CCDC148: variants seen among roughly 807,000 people sequenced by gnomAD.
CCDC148 encodes coiled-coil domain containing 148.
In CCDC148, 89 loss-of-function variants were observed where a neutral mutation model predicts 85.7. The ratio of observed to expected loss-of-function variants is 1.04; its 90% CI spans 0.87 to 1.24. The LOEUF is 1.24. Among genes scored for constraint, CCDC148 ranks in the 50% most tolerant of loss-of-function variants. CCDC148 has a pLI of 0.00. For synonymous variants in CCDC148, 230 were observed against 213.9 expected (o/e 1.08, Z -0.66); for missense variants, 692 against 671.7 (o/e 1.03, Z -0.33).
chr2:158,174,027 T>C (rs1371018398), intron 13 of CCDC148, among the ~76,000 whole-genome samples: 2 of 152,002 alleles, frequency 1.3e-5, no homozygotes, highest in Non-Finnish European at 2.9e-5. Context: ...ACCCTAAACA[T>C]GGTATAAGTA....
chr2:158,339,000 C>T lies in CCDC148; in HGVS notation c.572G>A (p.Trp191Ter). The T allele has an allele frequency of 6.2e-7, 1 of 1,612,924 alleles. No individual in the cohort carries two copies. The highest frequency in any genetic ancestry group is 8.5e-7 in the Non-Finnish European group (1 of 1,179,110). The change falls in exon 6 of 14, where the codon TGG becomes TAG. Residue 191 changes from tryptophan (W) to a stop codon, truncating the protein, a stop_gained. Transcript: ENST00000283233. LOFTEE classifies it high-confidence loss of function. ...QQRIENDLSD[W>*]SIKILDHSLE... is the part of the protein sequence containing the mutation. ...CCACATCACACTTACCTTTATACTC[C>T]AGTCTGAAAGATCATTTTCTATTCT...
At chr2:158,172,467 G>A (rs551123432) in intron 13 of CCDC148, among the ~76,000 whole-genome samples, 1 of 151,742 alleles carries the variant, frequency 6.6e-6, no homozygotes, top group African/African-American at 2.4e-5. Context: ...TCCCATGTAG[G>A]GTATATAGAA....
At chr2:158,241,628 T>C (rs1000555935) in intron 10 of CCDC148, among the ~76,000 whole-genome samples, 3 of 152,182 alleles carry the variant, frequency 2.0e-5, no homozygotes, top group Non-Finnish European at 4.4e-5. Context: ...GGACCCTTAA[T>C]GCCCCCTTTG....
chr2:158,256,874 G>A (rs1056604439), intron 9 of CCDC148, among the ~76,000 whole-genome samples: 2 of 151,610 alleles, frequency 1.3e-5, no homozygotes, highest in Non-Finnish European at 2.9e-5. Context: ...ATTACAGCAC[G>A]TATCAAGTGT....
chr2:158,352,480 C>T (rs532105139), intron 2 of CCDC148, among the ~76,000 whole-genome samples: 1,946 of 151,732 alleles, frequency 0.013, 32 homozygotes, highest in African/African-American at 0.039. Context: ...GTATCAGCAA[C>T]GGAAGATGAA....
At chr2:158,291,992 T>C (rs1325508740) in intron 9 of CCDC148, among the ~76,000 whole-genome samples, 2 of 152,204 alleles carry the variant, frequency 1.3e-5, no homozygotes, top group African/African-American at 4.8e-5. Context: ...CCCAGAAGAA[T>C]CACATTTAAC....
chr2:158,396,034 A>G (rs2105301270), intron 1 of CCDC148, among the ~76,000 whole-genome samples: 1 of 152,192 alleles, frequency 6.6e-6, no homozygotes, highest in Admixed American at 6.5e-5. Context: ...ACTGGCCAAT[A>G]CGGAAGATTA....
At chr2:158,217,027 T>C (rs370319892) in intron 11 of CCDC148, among the ~76,000 whole-genome samples, 2 of 152,220 alleles carry the variant, frequency 1.3e-5, no homozygotes, top group African/African-American at 4.8e-5. Flanking sequence ...AGGATTCTAA[T>C]GTCAACCGAT....
intron 9 of CCDC148, among the ~76,000 whole-genome samples, chr2:158,254,076 C>T (rs1688913883): frequency 6.6e-6 from 1 of 151,368 alleles, no homozygotes; most frequent in Non-Finnish European, 1.5e-5. Flanking sequence ...TAACAAATTA[C>T]AAGAATAAAA....
intron 3 of CCDC148, among the ~76,000 whole-genome samples, chr2:158,344,313 C>T (rs1682887317): frequency 6.6e-6 from 1 of 152,052 alleles, no homozygotes; most frequent in South Asian, 2.1e-4. Context: ...TTAAGTTACA[C>T]AATAATGTAA....
intron 2 of CCDC148, among the ~76,000 whole-genome samples, 162 bp downstream of exon 2, chr2:158,358,287 G>A (rs554477127): frequency 2.2e-4 from 34 of 152,278 alleles, no homozygotes; most frequent in South Asian, 8.3e-4. Flanking sequence ...AATGGTGTCC[G>A]AGAGCATTCG....
intron 9 of CCDC148, among the ~76,000 whole-genome samples, chr2:158,268,005 C>T (rs971196105): frequency 6.6e-6 from 1 of 152,070 alleles, no homozygotes; most frequent in Non-Finnish European, 1.5e-5. Context: ...AGTTGTAGGA[C>T]GTTTGGGTTG....
intron 1 of CCDC148, among the ~76,000 whole-genome samples, chr2:158,455,723 T>A (rs983165549): frequency 2.0e-5 from 3 of 152,198 alleles, no homozygotes; most frequent in Non-Finnish European, 4.4e-5. Context: ...TAGAGCAATA[T>A]CATCTTTTAA....
intron 1 of CCDC148, among the ~76,000 whole-genome samples, chr2:158,365,861 C>T (rs908171795): frequency 2.0e-5 from 3 of 151,964 alleles, no homozygotes; most frequent in Non-Finnish European, 4.4e-5. Context: ...TAACACAAAC[C>T]CATTGTAAAG....
chr2:158,218,782 G>A (rs976091539), intron 11 of CCDC148, among the ~76,000 whole-genome samples: 2 of 152,176 alleles, frequency 1.3e-5, no homozygotes, highest in Non-Finnish European at 2.9e-5. Context: ...GTCTTGGTTT[G>A]TGTTTGTTAA....
intron 1 of CCDC148, among the ~76,000 whole-genome samples, chr2:158,404,465 T>C: frequency 6.6e-6 from 1 of 152,172 alleles, no homozygotes; most frequent in East Asian, 1.9e-4. Flanking sequence ...TAGTTGGTGA[T>C]ATGATCACAC....
At chr2:158,375,452 T>G (rs1684612464) in intron 1 of CCDC148, among the ~76,000 whole-genome samples, 1 of 152,070 alleles carries the variant, frequency 6.6e-6, no homozygotes, top group African/African-American at 2.4e-5. Context: ...AAGAAAACCA[T>G]GAAAGCGAAG....
At position 158,339,005 on chromosome 2, in the gene CCDC148, T is replaced by C. The variant is rs376842792; in HGVS notation, c.567A>G (p.Ser189=). Residue 189 remains serine (S), a synonymous_variant, in exon 6 of 14, where the codon TCA becomes TCG. Coordinates refer to ENST00000283233, the MANE Select transcript of CCDC148 (RefSeq NM_138803.4). ...LEQQRIENDL[S]DWSIKILDHS... ...TCACACTTACCTTTATACTCCAGTCTGAAAGATCATTTTCTATTCTCTGTT... is the reference window on the plus strand; with the variant it reads ...TCACACTTACCTTTATACTCCAGTCCGAAAGATCATTTTCTATTCTCTGTT... 23 of 1,613,410 alleles carry C rather than the reference T, an allele frequency of 1.4e-5. No homozygotes were observed. Among genetic ancestry groups the C allele is most frequent in the Non-Finnish European group, 1.7e-5 (20 of 1,179,538 alleles).
At chr2:158,232,070 A>G (rs373856989) in intron 10 of CCDC148, among the ~76,000 whole-genome samples, 12 of 127,454 alleles carry the variant, frequency 9.4e-5, no homozygotes, top group African/African-American at 3.0e-4. Context: ...GAAGAATCAG[A>G]AAGTCAGCAT....
Sources: gnomAD v4.1 joint callset for allele counts (sites outside exome capture counted in the v4.1 genomes callset) on GRCh38, gnomAD v4.1.1 for gene constraint, MANE v1.5 for transcripts, NCBI Gene and HGNC (gene_info 2026-07-23, HGNC 2026-07-21) for gene names.